CBR4: variants seen among roughly 807,000 people sequenced by gnomAD.
CBR4 encodes the protein carbonyl reductase 4.
In CBR4, 22 loss-of-function variants were observed where a neutral mutation model predicts 21.0. The observed-to-expected ratio is 1.05, with a 90% CI of 0.75 to 1.50. The LOEUF (loss-of-function observed/expected upper bound fraction) is 1.50, where lower values mean the gene tolerates loss of function less well. Ranked by LOEUF, CBR4 falls within the 40% of genes most tolerant of loss-of-function variation. The pLI, the probability that CBR4 is intolerant of heterozygous loss-of-function variation, is 0.00. For synonymous variants in CBR4, 100 were observed against 104.4 expected (o/e 0.96, Z 0.26); for missense variants, 302 against 286.3 (o/e 1.05, Z -0.40).
chr4:168,898,500 A>G lies in CBR4; in HGVS notation n.170-3735T>C, dbSNP rs1318598425. The G allele has an allele frequency of 1.9e-6, 3 of 1,609,206 alleles. No individual in the cohort carries two copies. The highest frequency in any genetic ancestry group is 2.7e-5 in the African/African-American group (2 of 74,834). On this transcript the variant is annotated intron_variant and non_coding_transcript_variant, in intron 2 of 3. Coordinates refer to the CBR4 transcript ENST00000509108. ...AAACTTTCCTTGATTCAGGAATACA[A>G]AGTCTCCAGCTGTGAACAGAGACTC...
At chr4:168,934,406 G>A (rs2126662419) in intron 2 of CBR4, among the ~76,000 whole-genome samples, 1 of 150,522 alleles carries the variant, frequency 6.6e-6, no homozygotes, top group East Asian at 2.0e-4. Context: ...ACAAAAAGTT[G>A]GTTTTTTGAA....
intron 2 of CBR4, among the ~76,000 whole-genome samples, chr4:168,905,304 T>C (rs1180272010): frequency 1.3e-5 from 2 of 151,034 alleles, no homozygotes; most frequent in African/African-American, 4.9e-5. Context: ...GCACCCACCA[T>C]GCCCGGCTAA....
intron 3 of CBR4, among the ~76,000 whole-genome samples, chr4:169,002,686 T>C (rs1730556574): frequency 6.6e-6 from 1 of 152,114 alleles, no homozygotes; most frequent in Non-Finnish European, 1.5e-5. Context: ...TAAAATTGAA[T>C]TACATGCATA....
intron 2 of CBR4, among the ~76,000 whole-genome samples, chr4:168,897,514 A>T (rs891517606): frequency 7.2e-5 from 11 of 152,038 alleles, no homozygotes; most frequent in Non-Finnish European, 1.6e-4. Flanking sequence ...TGGCACAATC[A>T]CGGCCCACTG....
In CBR4 at chr4:168,925,767, C is replaced by T. The variant is rs114759600; in HGVS notation, n.170-31002G>A. Among the ~76,000 whole-genome samples the T allele has an allele frequency of 4.5e-3, 681 of 152,248 alleles. 8 individuals are homozygous for T. Among genetic ancestry groups the T allele is most frequent in the African/African-American group, 0.016 (648 of 41,540 alleles). ...CTTCTTGAAATAACTATGTGAGGGT[C>T]ATCAAGAAATGTGTGGCCTCAACCT... On this transcript the variant is annotated intron_variant and non_coding_transcript_variant, in intron 2 of 3. Coordinates refer to the CBR4 transcript ENST00000509108.
At chr4:168,927,561 A>G in intron 2 of CBR4, 1 of 230,608 alleles carries the variant, frequency 4.3e-6, no homozygotes. Context: ...GTGGAGACAT[A>G]AGGAGAGACA....
chr4:168,914,070 C>T, intron 2 of CBR4: 1 of 1,071,186 alleles, frequency 9.3e-7, no homozygotes, highest in Non-Finnish European at 1.4e-6. Context: ...TTATTTATTA[C>T]TATAAATGTA....
At chr4:168,960,341 A>G (rs35752589) in intron 2 of CBR4, among the ~76,000 whole-genome samples, 23,112 of 152,166 alleles carry the variant, frequency 0.15, 1,945 homozygotes, top group African/African-American at 0.22. Context: ...ACAAGGGAGG[A>G]GAAACATGGA....
intron 2 of CBR4, chr4:168,896,431 C>T (rs900569520): frequency 5.1e-5 from 35 of 684,798 alleles, no homozygotes; most frequent in African/African-American, 2.7e-4. Flanking sequence ...CTCACAGCAC[C>T]GTTACTACCA....
At chr4:168,926,857 AAAG>A (rs368730052) in intron 2 of CBR4, 44 of 221,122 alleles carry the variant, frequency 2.0e-4, no homozygotes, top group Admixed American at 1.3e-3. Flanking sequence ...TGTAAGGATG[AAAG>A]AAGAAGAGAT....
intron 4 of CBR4, chr4:169,001,830 C>T: frequency 3.9e-6 from 1 of 257,836 alleles, no homozygotes; most frequent in Non-Finnish European, 7.3e-6. Context: ...AAATAAGCCT[C>T]TTTTTTTTAT....
intron 2 of CBR4, among the ~76,000 whole-genome samples, chr4:168,941,771 G>A (rs1169013018): frequency 6.6e-6 from 1 of 152,212 alleles, no homozygotes; most frequent in East Asian, 1.9e-4. Flanking sequence ...AATGGCATAA[G>A]ATGGTATCTC....
chr4:168,945,303 T>C (rs1163088744), intron 2 of CBR4, among the ~76,000 whole-genome samples: 3 of 152,204 alleles, frequency 2.0e-5, no homozygotes, highest in Non-Finnish European at 4.4e-5. Context: ...CCCTGCTCAA[T>C]TGATACTAAG....
downstream of CBR4, among the ~76,000 whole-genome samples, chr4:168,985,441 G>A (rs928781121): frequency 2.0e-5 from 3 of 152,166 alleles, no homozygotes; most frequent in South Asian, 6.2e-4. Flanking sequence ...ACTGCTGGTG[G>A]AATATAAATT....
At chr4:168,950,099 T>C (rs573707553) in intron 2 of CBR4, among the ~76,000 whole-genome samples, 2 of 152,188 alleles carry the variant, frequency 1.3e-5, no homozygotes, top group Non-Finnish European at 2.9e-5. Flanking sequence ...CATTTTGTTG[T>C]TGTTTCAATT....
chr4:168,894,500 T>C (rs1043644614), intron 3 of CBR4: 7 of 852,486 alleles, frequency 8.2e-6, no homozygotes, highest in Middle Eastern at 2.2e-4. Flanking sequence ...AGTGTGTTGT[T>C]TTTTACTCTT....
At position 169,002,072 on chromosome 4, in the gene CBR4, T is replaced by C. The variant is rs749305242; in HGVS notation, c.534A>G (p.Pro178=). ...RKKIRVNVVA[P]GFVHTDMTKD... The stretch of plus-strand genomic sequence containing the variant: ...TATTTTAATAAAGTTTTCACTAACC[T>C]GGTGCAACTACATTCACTCTAATTT... Residue 178 remains proline, a splice_region_variant and synonymous_variant, in exon 4 of 5, where the codon CCA becomes CCG. Coordinates refer to ENST00000306193, the MANE Select transcript of CBR4 (RefSeq NM_032783.5). The C allele has an allele frequency of 8.3e-6, 13 of 1,573,602 alleles. No homozygotes were observed. Among genetic ancestry groups the C allele is most frequent in the South Asian group, 3.6e-5 (3 of 83,866 alleles).
intron 2 of CBR4, among the ~76,000 whole-genome samples, chr4:168,958,707 T>C (rs1302928334): frequency 1.3e-5 from 2 of 152,208 alleles, no homozygotes; most frequent in Non-Finnish European, 2.9e-5. Context: ...ATATCCCCAA[T>C]TGGTATTGTC....
At chr4:168,936,093 C>T (rs1763104292) in intron 2 of CBR4, among the ~76,000 whole-genome samples, 2 of 152,214 alleles carry the variant, frequency 1.3e-5, no homozygotes, top group East Asian at 3.9e-4. Context: ...GAACAGGCAG[C>T]AATCTTTGCT....
Sources: gnomAD v4.1 joint callset for allele counts (sites outside exome capture counted in the v4.1 genomes callset) on GRCh38, gnomAD v4.1.1 for gene constraint, MANE v1.5 for transcripts, NCBI Gene and HGNC (gene_info 2026-07-23, HGNC 2026-07-21) for gene names.